Variants in UBE2N observed in about 807,000 individuals in gnomAD.
UBE2N encodes the protein ubiquitin-conjugating enzyme E2 N.
For synonymous variants in UBE2N, 70 were observed against 69.2 expected, an observed-to-expected ratio of 1.01 and a Z score of -0.06; for missense variants, 60 against 192.1, an observed-to-expected ratio of 0.31 and a Z score of 4.07.
chr12:93,434,116 C>A (rs1878850534), intron 1 of UBE2N, among the ~76,000 whole-genome samples: 1 of 152,114 alleles, frequency 6.6e-6, no homozygotes, highest in Non-Finnish European at 1.5e-5. Context: ...CATGGTGAAA[C>A]CCGTCTCTAC....
chr12:93,422,757 C>G (rs188446023), intron 1 of UBE2N, among the ~76,000 whole-genome samples: 41 of 151,484 alleles, frequency 2.7e-4, no homozygotes, highest in Admixed American at 2.4e-3. Flanking sequence ...TTGTTTTTTT[C>G]AAGTTGGTAA....
intron 1 of UBE2N, among the ~76,000 whole-genome samples, chr12:93,416,004 A>G (rs7303325): frequency 0.082 from 12,461 of 152,294 alleles, 1,614 homozygotes; most frequent in African/African-American, 0.28. Context: ...GACCTGATCA[A>G]GCCTAGATTT....
intron 1 of UBE2N, among the ~76,000 whole-genome samples, chr12:93,431,662 C>T (rs1428758866): frequency 6.6e-6 from 1 of 152,212 alleles, no homozygotes; most frequent in Non-Finnish European, 1.5e-5. Context: ...ACACTGCATG[C>T]TAGTGAATAG....
At chr12:93,436,999 T>C (rs2121100510) in intron 1 of UBE2N, among the ~76,000 whole-genome samples, 1 of 152,282 alleles carries the variant, frequency 6.6e-6, no homozygotes, top group African/African-American at 2.4e-5. Flanking sequence ...CGGTGGTTCA[T>C]GCCTGTTAAC....
intron 1 of UBE2N, among the ~76,000 whole-genome samples, chr12:93,426,435 A>G (rs139177765): frequency 6.4e-4 from 96 of 151,124 alleles, no homozygotes; most frequent in Non-Finnish European, 1.0e-3. Flanking sequence ...AATAGCCCTG[A>G]GAATAACTAA....
At chr12:93,415,940 A>G (rs1271183191) in intron 1 of UBE2N, among the ~76,000 whole-genome samples, 1 of 152,182 alleles carries the variant, frequency 6.6e-6, no homozygotes, top group Non-Finnish European at 1.5e-5. Flanking sequence ...TCTTCAGTTC[A>G]CCCTCAAAAT....
intron 1 of UBE2N, among the ~76,000 whole-genome samples, chr12:93,411,800 C>T (rs779864956): frequency 7.2e-5 from 11 of 152,152 alleles, no homozygotes; most frequent in Non-Finnish European, 1.6e-4. Context: ...CCCAGGTGAT[C>T]CTCCCAACTC....
chr12:93,408,193 T>C lies in UBE2N; in HGVS notation c.*1846A>G, dbSNP rs1252389937. 6.6e-6 allele frequency: 1 copy of C among 152,216 alleles called. No individual in the cohort carries two copies. Among genetic ancestry groups the C allele is most frequent in the African/African-American group, 2.4e-5 (1 of 41,460 alleles). 9.4% of individuals were successfully genotyped at this position (152,216 alleles called of 1,614,324 possible). ...AAGTGAGATTCAATTTCCTTAGCTATAGTCAAATGTACCCTTTAAACAGCC... is the reference window on the plus strand; with the variant it reads ...AAGTGAGATTCAATTTCCTTAGCTACAGTCAAATGTACCCTTTAAACAGCC... On this transcript the variant is annotated 3_prime_UTR_variant, in exon 4 of 4. Coordinates refer to ENST00000318066, the MANE Select transcript of UBE2N (RefSeq NM_003348.4).
At chr12:93,441,432 G>A (rs886749315) in intron 1 of UBE2N, among the ~76,000 whole-genome samples, 1 of 152,142 alleles carries the variant, frequency 6.6e-6, no homozygotes, top group Non-Finnish European at 1.5e-5. Flanking sequence ...CTTGGCTGCC[G>A]AGGGACCTTG....
intron 1 of UBE2N, among the ~76,000 whole-genome samples, chr12:93,428,043 C>G (rs1238449839): frequency 1.3e-4 from 20 of 152,256 alleles, no homozygotes; most frequent in Non-Finnish European, 2.9e-4. Context: ...ACCCTCCCAA[C>G]TAGTAGCTGG....
intron 1 of UBE2N, among the ~76,000 whole-genome samples, chr12:93,414,775 C>G (rs997209734): frequency 6.6e-6 from 1 of 152,148 alleles, no homozygotes; most frequent in Non-Finnish European, 1.5e-5. Context: ...ACCCTGCACA[C>G]TCCCTATCCC....
chr12:93,410,384 A>C (rs941820363), intron 3 of UBE2N: 8 of 493,592 alleles, frequency 1.6e-5, no homozygotes, highest in Non-Finnish European at 2.5e-5. Flanking sequence ...TCTTGACTCC[A>C]AATTCCGTAG....
chr12:93,412,289 C>T (rs1878052580), intron 1 of UBE2N, among the ~76,000 whole-genome samples: 1 of 152,178 alleles, frequency 6.6e-6, no homozygotes, highest in South Asian at 2.1e-4. Context: ...TGGCTGATGT[C>T]CTGCTTCCTA....
chr12:93,417,433 T>C (rs1051479245), intron 1 of UBE2N, among the ~76,000 whole-genome samples: 8 of 152,242 alleles, frequency 5.3e-5, no homozygotes, highest in African/African-American at 1.9e-4. Context: ...GATGCTCTTC[T>C]GCAAGGCAAT....
chr12:93,415,317 A>G (rs555475498), intron 1 of UBE2N, among the ~76,000 whole-genome samples: 7 of 152,248 alleles, frequency 4.6e-5, no homozygotes, highest in Non-Finnish European at 1.0e-4. Flanking sequence ...AATATACTGA[A>G]ATAGTCATAA....
intron 1 of UBE2N, among the ~76,000 whole-genome samples, chr12:93,418,131 A>G (rs1410888316): frequency 6.7e-6 from 1 of 149,648 alleles, no homozygotes; most frequent in African/African-American, 2.6e-5. Context: ...ACTTGGCCCA[A>G]TAAGTGAGCA....
At chr12:93,410,507 G>C in intron 3 of UBE2N, 1 of 617,044 alleles carries the variant, frequency 1.6e-6, no homozygotes, top group Non-Finnish European at 2.8e-6. Flanking sequence ...GTTAAACCAG[G>C]TGTAGTTACA....
intron 1 of UBE2N, 72 bp from the exon 2 acceptor site, chr12:93,411,371 G>A (rs1878025528): frequency 6.5e-7 from 1 of 1,528,900 alleles, no homozygotes; most frequent in African/African-American, 1.4e-5. Flanking sequence ...AAATTAGAAA[G>A]TTCATCTCTT....
At chr12:93,422,138 T>C (rs1878432968) in intron 1 of UBE2N, among the ~76,000 whole-genome samples, 1 of 152,188 alleles carries the variant, frequency 6.6e-6, no homozygotes, top group Non-Finnish European at 1.5e-5. Context: ...GCATCACAGC[T>C]AAAGATGGTG....
Sources: allele counts gnomAD v4.1 joint callset (sites outside exome capture counted in the v4.1 genomes callset), GRCh38; gene constraint gnomAD v4.1.1; transcripts MANE v1.5; gene names NCBI Gene and HGNC (gene_info 2026-07-23, HGNC 2026-07-21).